Variants in SAMD12 observed in about 807,000 individuals in gnomAD.
SAMD12 encodes the protein sterile alpha motif domain-containing protein 12.
A neutral mutation model predicts 15.0 loss-of-function variants in SAMD12; 9 were observed. The ratio of observed to expected loss-of-function variants is 0.60; its 90% CI spans 0.36 to 1.05. SAMD12 has a LOEUF of 1.05. Among genes scored for constraint, SAMD12 ranks in the 50% least tolerant of loss-of-function variants. The pLI, the probability that SAMD12 is intolerant of heterozygous loss-of-function variation, is 0.01. For synonymous variants in SAMD12, 86 were observed against 90.1 expected (o/e 0.96, Z 0.25); for missense variants, 230 against 234.2 (o/e 0.98, Z 0.12).
chr8:118,146,264 T>C, the SAMD12 span, among the ~76,000 whole-genome samples: 1 of 152,188 alleles, frequency 6.6e-6, no homozygotes, highest in African/African-American at 2.4e-5. Context: ...AGAGAAAGCA[T>C]GGCACATTTG....
chr8:118,386,966 C>T (rs1819996140), intron 3 of SAMD12, among the ~76,000 whole-genome samples: 1 of 152,150 alleles, frequency 6.6e-6, no homozygotes, highest in South Asian at 2.1e-4. Context: ...TCTTTTCTGC[C>T]AGAAATAGAT....
intron 2 of SAMD12, among the ~76,000 whole-genome samples, chr8:118,557,184 C>A (rs1242980187): frequency 6.6e-6 from 1 of 152,062 alleles, no homozygotes; most frequent in East Asian, 1.9e-4. Context: ...GCTTTTCCCC[C>A]CATGCTGTTC....
intron 4 of SAMD12, among the ~76,000 whole-genome samples, chr8:118,321,805 T>C (rs1401453657): frequency 1.3e-5 from 2 of 152,118 alleles, no homozygotes; most frequent in Admixed American, 1.3e-4. Flanking sequence ...AATTTCCTTA[T>C]GCCTCAGTTT....
At chr8:118,332,292 C>T (rs137855545) in intron 4 of SAMD12, among the ~76,000 whole-genome samples, 107 of 152,246 alleles carry the variant, frequency 7.0e-4, no homozygotes, top group Middle Eastern at 3.4e-3. Flanking sequence ...ACAATGATGA[C>T]GTATTACATG....
intron 4 of SAMD12, among the ~76,000 whole-genome samples, chr8:118,271,633 T>G (rs1192806724): frequency 2.6e-5 from 4 of 152,120 alleles, no homozygotes; most frequent in Non-Finnish European, 5.9e-5. Context: ...AGCAAGTTAG[T>G]TACTTCTAGA....
the SAMD12 span, among the ~76,000 whole-genome samples, chr8:118,181,961 G>A: frequency 6.6e-6 from 1 of 152,060 alleles, no homozygotes; most frequent in Non-Finnish European, 1.5e-5. Context: ...AGTCCTTTAG[G>A]TAACCTTAAG....
chr8:118,190,463 C>G (rs1209617461), exon 5 of SAMD12: 1 of 151,854 alleles, frequency 6.6e-6, no homozygotes, highest in Non-Finnish European at 1.5e-5. Context: ...AATAAATGGA[C>G]ACCTGGGCTG....
intron 2 of SAMD12, among the ~76,000 whole-genome samples, chr8:118,498,667 A>G (rs1824695496): frequency 6.6e-6 from 1 of 152,262 alleles, no homozygotes; most frequent in Non-Finnish European, 1.5e-5. Flanking sequence ...TATAGCACAG[A>G]AAATATGAAA....
At chr8:118,359,314 A>G (rs2130630664) in intron 4 of SAMD12, among the ~76,000 whole-genome samples, 2 of 152,310 alleles carry the variant, frequency 1.3e-5, no homozygotes, top group East Asian at 3.9e-4. Flanking sequence ...GAAGAAACCA[A>G]TGCTGCCAAC....
chr8:118,275,946 T>C (rs1235563562), intron 4 of SAMD12, among the ~76,000 whole-genome samples: 1 of 152,218 alleles, frequency 6.6e-6, no homozygotes, highest in Non-Finnish European at 1.5e-5. Flanking sequence ...ATTTTCTTTA[T>C]CCAATCCACC....
chr8:118,363,911 G>T (rs1818629664), intron 4 of SAMD12, among the ~76,000 whole-genome samples: 2 of 152,310 alleles, frequency 1.3e-5, no homozygotes, highest in South Asian at 4.1e-4. Flanking sequence ...AATGTGAAGT[G>T]TGTACACAGG....
rs1054899000 is a variant in SAMD12 at position 118,553,771 on chromosome 8, G to A, written c.192+26944C>T. On this transcript the variant is annotated intron_variant, in intron 2 of 3. Transcript: ENST00000314727. Reference sequence around the variant, plus strand: ...ACCCACAAAATGGGAGAAACTTTTCGCAACCTACTCATCTGACAAAGGGCT... The same window carrying A: ...ACCCACAAAATGGGAGAAACTTTTCACAACCTACTCATCTGACAAAGGGCT... Among the ~76,000 whole-genome samples, 22 of 150,572 alleles carry A rather than the reference G, an allele frequency of 1.5e-4. 1 individual carries two copies. Among genetic ancestry groups the A allele is most frequent in the Middle Eastern group, 3.4e-3 (1 of 290 alleles).
At chr8:118,471,809 A>G (rs901969428) in intron 2 of SAMD12, among the ~76,000 whole-genome samples, 5 of 152,140 alleles carry the variant, frequency 3.3e-5, no homozygotes, top group Non-Finnish European at 4.4e-5. Context: ...GGTGATGACA[A>G]TGGAGATCCC....
chr8:118,273,965 C>A (rs147598331), intron 4 of SAMD12, among the ~76,000 whole-genome samples: 2 of 152,170 alleles, frequency 1.3e-5, no homozygotes, highest in East Asian at 1.9e-4. Flanking sequence ...CCCATCATTG[C>A]GCTGCACTCA....
chr8:118,267,158 C>T (rs1206547671), intron 4 of SAMD12, among the ~76,000 whole-genome samples: 2 of 152,140 alleles, frequency 1.3e-5, no homozygotes, highest in Non-Finnish European at 2.9e-5. Flanking sequence ...GACCATAAAA[C>T]ATCATATAAT....
intron 2 of SAMD12, among the ~76,000 whole-genome samples, chr8:118,575,895 A>C (rs1827135039): frequency 6.6e-6 from 1 of 152,186 alleles, no homozygotes; most frequent in Non-Finnish European, 1.5e-5. Flanking sequence ...TGATGGGCTG[A>C]TCTTATTCCA....
At chr8:118,333,252 G>A (rs1816888612) in intron 4 of SAMD12, among the ~76,000 whole-genome samples, 1 of 152,116 alleles carries the variant, frequency 6.6e-6, no homozygotes. Context: ...TCCTCTCTGT[G>A]CACAGTTGAG....
chr8:118,151,031 C>T, the SAMD12 span, among the ~76,000 whole-genome samples: 1 of 151,502 alleles, frequency 6.6e-6, no homozygotes, highest in Non-Finnish European at 1.5e-5. Flanking sequence ...TAGTGAGACC[C>T]ATCTCTAAAA....
At chr8:118,276,365 A>C (rs1185720262) in intron 4 of SAMD12, among the ~76,000 whole-genome samples, 1 of 152,188 alleles carries the variant, frequency 6.6e-6, no homozygotes, top group African/African-American at 2.4e-5. Flanking sequence ...AACGCAGTAC[A>C]CTTCTTTTTC....
Sources: gnomAD v4.1 joint callset for allele counts (sites outside exome capture counted in the v4.1 genomes callset) on GRCh38, gnomAD v4.1.1 for gene constraint, MANE v1.5 for transcripts, NCBI Gene and HGNC (gene_info 2026-07-23, HGNC 2026-07-21) for gene names.